HEATR5A: variants seen among roughly 807,000 people sequenced by gnomAD.
The protein encoded by HEATR5A is HEAT repeat-containing protein 5A.
A neutral mutation model predicts 218.8 loss-of-function variants in HEATR5A; 178 were observed. That is an observed-to-expected ratio of 0.81 (90% CI 0.72 to 0.92). The LOEUF (loss-of-function observed/expected upper bound fraction) is 0.92. Ranked by LOEUF, HEATR5A falls within the 40% of genes least tolerant of loss-of-function variation. HEATR5A has a pLI of 0.00. For synonymous variants in HEATR5A, 864 were observed against 871.6 expected, an observed-to-expected ratio of 0.99 and a Z score of 0.15; for missense variants, 2,420 against 2,418.9, an observed-to-expected ratio of 1.00 and a Z score of -0.01.
chr14:31,373,473 C>T (rs537119512), intron 12 of HEATR5A, among the ~76,000 whole-genome samples: 17 of 151,986 alleles, frequency 1.1e-4, no homozygotes, highest in African/African-American at 3.4e-4. Context: ...GGATTACAAG[C>T]GCCCACCACC....
intron 9 of HEATR5A, among the ~76,000 whole-genome samples, 166 bp from the exon 10 acceptor site, chr14:31,383,937 T>C (rs2030098909): frequency 6.6e-6 from 1 of 152,198 alleles, no homozygotes; most frequent in Non-Finnish European, 1.5e-5. Context: ...TAACTTCATT[T>C]TTCTCCCTTC....
intron 1 of HEATR5A, among the ~76,000 whole-genome samples, chr14:31,413,385 CT>C (rs533855913): frequency 4.3e-3 from 551 of 127,806 alleles, no homozygotes; most frequent in Middle Eastern, 8.4e-3. Flanking sequence ...ACTCTGCCTT[CT>C]TTTTTTTTTT....
intron 22 of HEATR5A, among the ~76,000 whole-genome samples, chr14:31,326,560 A>G (rs955527648): frequency 6.6e-6 from 1 of 152,248 alleles, no homozygotes; most frequent in Non-Finnish European, 1.5e-5. Context: ...TGTCACTGAA[A>G]AAAAGTATTC....
At chr14:31,299,907 G>A (rs568161955) in intron 33 of HEATR5A, among the ~76,000 whole-genome samples, 6 of 150,078 alleles carry the variant, frequency 4.0e-5, no homozygotes, top group Admixed American at 1.3e-4. Context: ...CTGGTGGTGA[G>A]CACCTGTAAT....
rs781486862 is a variant in HEATR5A at position 31,349,872 on chromosome 14, T to C, written c.2625A>G (p.Ala875=). 1.8e-5 allele frequency: 29 copies of C among 1,612,862 alleles called. No individual in the cohort carries two copies. Among genetic ancestry groups the C allele is most frequent in the Non-Finnish European group, 2.5e-5 (29 of 1,179,082 alleles). ...LESPNPLLRC[A]AAESWARLAQ... is the part of the protein sequence containing the mutation. Reference sequence around the variant, plus strand: ...CTAATCTAGCCCATGACTCTGCAGCTGCACATCTCAGCAAGGGGTTGGGGC... The same window carrying C: ...CTAATCTAGCCCATGACTCTGCAGCCGCACATCTCAGCAAGGGGTTGGGGC... Residue 875 remains alanine, a synonymous_variant, in exon 18 of 36, where the codon GCA becomes GCG. Coordinates refer to ENST00000543095, the MANE Select transcript of HEATR5A (RefSeq NM_015473.4).
chr14:31,320,511 A>T, intron 25 of HEATR5A: 1 of 1,258,704 alleles, frequency 7.9e-7, no homozygotes, highest in Non-Finnish European at 1.1e-6. Context: ...GAGCTGCTGT[A>T]GGAAGGCTGT....
In HEATR5A at chr14:31,368,792, C is replaced by G. The variant is rs191204930; in HGVS notation, c.1961+3018G>C. 1.5e-4 allele frequency among the ~76,000 whole-genome samples: 23 copies of G among 151,902 alleles called. 2 individuals carry two copies. Among genetic ancestry groups the G allele is most frequent in the Admixed American group, 1.4e-3 (21 of 15,262 alleles). ...GCTCAGGCTGGTCTCAAATCCCTGA[C>G]CTCAAGCAATCCTCTCACCTCAGCC... On this transcript the variant is annotated intron_variant, in intron 13 of 35. Coordinates refer to ENST00000543095, the MANE Select transcript of HEATR5A (RefSeq NM_015473.4).
At chr14:31,399,856 T>C (rs2030807129) in intron 3 of HEATR5A, among the ~76,000 whole-genome samples, 1 of 152,126 alleles carries the variant, frequency 6.6e-6, no homozygotes, top group Non-Finnish European at 1.5e-5. Context: ...AAATATTACA[T>C]GGCTCATTGC....
intron 11 of HEATR5A, among the ~76,000 whole-genome samples, chr14:31,376,459 G>C (rs1447041674): frequency 6.6e-6 from 1 of 152,198 alleles, no homozygotes; most frequent in African/African-American, 2.4e-5. Flanking sequence ...GCTGCAGCAA[G>C]CTATGGTCTG....
chr14:31,388,523 T>C (rs2030323335), intron 7 of HEATR5A, among the ~76,000 whole-genome samples: 1 of 152,262 alleles, frequency 6.6e-6, no homozygotes, highest in African/African-American at 2.4e-5. Flanking sequence ...CTGAACTGCA[T>C]GAGCACACAC....
chr14:31,384,524 T>C (rs1012799610), intron 9 of HEATR5A, among the ~76,000 whole-genome samples: 1 of 150,666 alleles, frequency 6.6e-6, no homozygotes, highest in African/African-American at 2.4e-5. Flanking sequence ...ACATAATTCA[T>C]ATACTTTTTT....
intron 16 of HEATR5A, among the ~76,000 whole-genome samples, chr14:31,356,620 T>G (rs576308530): frequency 2.6e-5 from 4 of 152,312 alleles, no homozygotes; most frequent in African/African-American, 9.6e-5. Context: ...TTTGCTTTTA[T>G]CTGTTCTCAA....
In HEATR5A at chr14:31,329,423, C is replaced by A. The variant is rs546167360; in HGVS notation, c.3368-3081G>T. On this transcript the variant is annotated intron_variant, in intron 22 of 35. Transcript: ENST00000543095. The stretch of plus-strand genomic sequence containing the variant: ...CAGGCATTGGGTAAATACTCTTGTC[C>A]CAAATGGGAGAAATTGGGCTGCAGT... 9.2e-5 allele frequency among the ~76,000 whole-genome samples: 14 copies of A among 152,242 alleles called. No individual in the cohort carries two copies. In the South Asian group the frequency reaches 1.5e-3, roughly 16 times the overall value.
chr14:31,332,215 TTGG>T (rs1165675379), intron 22 of HEATR5A, among the ~76,000 whole-genome samples: 3 of 152,204 alleles, frequency 2.0e-5, no homozygotes, highest in African/African-American at 7.2e-5. Flanking sequence ...TGATCTTTGA[TTGG>T]TGATCTTTGA....
chr14:31,314,256 T>C (rs1479204131), intron 27 of HEATR5A, among the ~76,000 whole-genome samples: 2 of 151,226 alleles, frequency 1.3e-5, no homozygotes, highest in Admixed American at 1.3e-4. Context: ...GTTATTTTAT[T>C]TATTTATTTT....
intron 9 of HEATR5A, among the ~76,000 whole-genome samples, chr14:31,384,343 C>T (rs936233296): frequency 2.6e-5 from 4 of 151,472 alleles, no homozygotes; most frequent in African/African-American, 7.3e-5. Flanking sequence ...ACTAGGGAGG[C>T]TGAGGTGGGA....
Position 31,380,473 on chromosome 14 carries a change from T to C in HEATR5A, c.1702A>G (p.Thr568Ala). The part of the protein sequence containing the change: ...AGWLLISALM[T>A]LGPAVVSHHL... ...ACCTTCTACAGACTGTTACCTAATGTCATCAGAGCAGAAATCAGCAACCAT... is the reference window on the plus strand; with the variant it reads ...ACCTTCTACAGACTGTTACCTAATGCCATCAGAGCAGAAATCAGCAACCAT... The change falls in exon 11 of 36, where the codon ACA becomes GCA. Residue 568 changes from threonine (T) to alanine (A), a missense_variant. Transcript: ENST00000543095. 6.3e-7 allele frequency: 1 copy of C among 1,599,096 alleles called. No individual in the cohort carries two copies. The highest frequency in any genetic ancestry group is 8.5e-7 in the Non-Finnish European group (1 of 1,170,820).
chr14:31,323,768 T>C lies in HEATR5A; in HGVS notation c.3584A>G (p.Glu1195Gly). ...TAVTCVDTMQ[E>G]EEGDKGDDAS... Reference sequence around the variant, plus strand: ...ATCATCCCCTTTATCTCCTTCTTCTTCTTGCATTGTATCCACACAAGTTAC... The same window carrying C: ...ATCATCCCCTTTATCTCCTTCTTCTCCTTGCATTGTATCCACACAAGTTAC... The change falls in exon 24 of 36, where the codon GAA becomes GGA. Residue 1195 changes from glutamate to glycine, a missense_variant. Transcript: ENST00000543095. 2 of 1,603,446 alleles carry C rather than the reference T, an allele frequency of 1.2e-6. No homozygotes were observed. The highest frequency in any genetic ancestry group is 1.7e-6 in the Non-Finnish European group (2 of 1,170,530).
At chr14:31,392,021 A>G (rs560669196) in intron 6 of HEATR5A, among the ~76,000 whole-genome samples, 1 of 152,328 alleles carries the variant, frequency 6.6e-6, no homozygotes, top group Admixed American at 6.5e-5. Flanking sequence ...TGGACTCATC[A>G]CATTTTCCTC....
Sources: gnomAD v4.1 joint callset for allele counts (sites outside exome capture counted in the v4.1 genomes callset) on GRCh38, gnomAD v4.1.1 for gene constraint, MANE v1.5 for transcripts, NCBI Gene and HGNC (gene_info 2026-07-23, HGNC 2026-07-21) for gene names.